Variants in FBN1 observed in about 807,000 individuals in gnomAD.
The protein encoded by FBN1 is fibrillin 1.
A neutral mutation model predicts 365.1 loss-of-function variants in FBN1; 29 were observed. The observed-to-expected ratio is 0.08, with a 90% CI of 0.06 to 0.11. The LOEUF is 0.11. Among genes scored for constraint, FBN1 ranks in the 10% least tolerant of loss-of-function variants. The probability of loss-of-function intolerance (pLI) is 1.00; values close to 1 mark genes in which losing one functional copy is unlikely to be tolerated. For missense variants in FBN1, 2,476 were observed against 3,703.2 expected, an observed-to-expected ratio of 0.67 and a Z score of 8.60; for synonymous variants, 1,210 against 1,270.5, an observed-to-expected ratio of 0.95 and a Z score of 1.01.
At chr15:48,625,626 G>T (rs1387308257) in intron 2 of FBN1, among the ~76,000 whole-genome samples, 2 of 152,140 alleles carry the variant, frequency 1.3e-5, no homozygotes, top group Non-Finnish European at 2.9e-5. Flanking sequence ...TATTTTAAAG[G>T]CCAGAAGATC....
At chr15:48,523,489 C>T (rs549654666) in intron 9 of FBN1, among the ~76,000 whole-genome samples, 98 of 152,268 alleles carry the variant, frequency 6.4e-4, no homozygotes, top group African/African-American at 2.0e-3. Flanking sequence ...ATGGCACCTG[C>T]ACATATAATA....
In FBN1 at chr15:48,434,601, T is replaced by A. The variant is rs547573220; in HGVS notation, c.6609A>T (p.Thr2203=). ...TCTGTTTAAGAGATGTACCTTCACA[T>A]GTCATCATTGGACCGGGCTCAAATC... ...EEGFEPGPMM[T]CEDINECAQN... The change falls in exon 54 of 66, where the codon ACA becomes ACT. Residue 2203 remains threonine, a synonymous_variant. Coordinates refer to ENST00000316623, the MANE Select transcript of FBN1 (RefSeq NM_000138.5). 1.2e-6 allele frequency: 2 copies of A among 1,613,718 alleles called. No homozygotes were observed. The highest frequency in any genetic ancestry group is 1.1e-5 in the South Asian group (1 of 91,076).
chr15:48,564,872 G>A (rs959640456), intron 6 of FBN1, among the ~76,000 whole-genome samples: 5 of 152,164 alleles, frequency 3.3e-5, no homozygotes, highest in African/African-American at 1.2e-4. Flanking sequence ...CTTTCCCCCA[G>A]GCTATCTAAA....
intron 49 of FBN1, among the ~76,000 whole-genome samples, chr15:48,444,306 A>C (rs1341083633): frequency 6.6e-6 from 1 of 152,210 alleles, no homozygotes; most frequent in Non-Finnish European, 1.5e-5. Flanking sequence ...AGTGGAAAAG[A>C]GTCAGGATCA....
intron 6 of FBN1, among the ~76,000 whole-genome samples, chr15:48,555,236 T>C (rs139832914): frequency 2.6e-5 from 4 of 152,292 alleles, no homozygotes; most frequent in Admixed American, 1.3e-4. Flanking sequence ...AAAACTGTCA[T>C]GTTAATCCCA....
intron 43 of FBN1, among the ~76,000 whole-genome samples, chr15:48,457,714 C>T (rs528308048): frequency 6.6e-6 from 1 of 152,206 alleles, no homozygotes; most frequent in East Asian, 1.9e-4. Context: ...TGCTGCATGA[C>T]TGGTACATTT....
chr15:48,580,918 C>T (rs1449639742), intron 6 of FBN1, among the ~76,000 whole-genome samples: 1 of 152,136 alleles, frequency 6.6e-6, no homozygotes, highest in Non-Finnish European at 1.5e-5. Flanking sequence ...AAAACAGAGA[C>T]TAAAACTGCA....
intron 13 of FBN1, among the ~76,000 whole-genome samples, chr15:48,512,339 T>G (rs1162225824): frequency 6.6e-6 from 1 of 152,190 alleles, no homozygotes; most frequent in East Asian, 1.9e-4. Context: ...TTTAAAAAAC[T>G]TTTAAGTTTA....
intron 6 of FBN1, among the ~76,000 whole-genome samples, chr15:48,583,216 ACCT>A (rs1249097642): frequency 1.3e-4 from 20 of 152,098 alleles, no homozygotes; most frequent in African/African-American, 4.6e-4. Flanking sequence ...ATAAACTCAC[ACCT>A]CCTCTCTTCG....
At chr15:48,590,266 T>C (rs2044467376) in intron 6 of FBN1, among the ~76,000 whole-genome samples, 1 of 152,230 alleles carries the variant, frequency 6.6e-6, no homozygotes, top group African/African-American at 2.4e-5. Flanking sequence ...AATCAGCTCC[T>C]GATTCCATGA....
intron 6 of FBN1, among the ~76,000 whole-genome samples, chr15:48,548,638 C>T (rs595244): frequency 0.077 from 11,739 of 152,280 alleles, 498 homozygotes; most frequent in Middle Eastern, 0.16. Flanking sequence ...TAGAGATTTA[C>T]ATCAGCTTGG....
At chr15:48,425,324 A>C (rs2042970541) in intron 60 of FBN1, 45 bp downstream of exon 60, 3 of 1,613,786 alleles carry the variant, frequency 1.9e-6, no homozygotes, top group Non-Finnish European at 1.7e-6. Flanking sequence ...GAATGCAGCC[A>C]TGTGTCAGGA....
intron 6 of FBN1, among the ~76,000 whole-genome samples, chr15:48,594,783 G>C (rs776574681): frequency 1.3e-5 from 2 of 152,082 alleles, no homozygotes; most frequent in Admixed American, 6.6e-5. Flanking sequence ...CATCTTATTA[G>C]TGATTTTTCT....
intron 6 of FBN1, among the ~76,000 whole-genome samples, chr15:48,560,130 C>G (rs569889022): frequency 3.9e-4 from 60 of 152,262 alleles, no homozygotes; most frequent in Middle Eastern, 3.4e-3. Flanking sequence ...GTTAAGTTTT[C>G]TCTTCAACAT....
chr15:48,503,604 T>C (rs1245320285), intron 17 of FBN1, among the ~76,000 whole-genome samples, 183 bp downstream of exon 17: 1 of 152,198 alleles, frequency 6.6e-6, no homozygotes, highest in Non-Finnish European at 1.5e-5. Context: ...CTATTCCAAA[T>C]AATTATGAGG....
intron 50 of FBN1, among the ~76,000 whole-genome samples, chr15:48,439,832 G>A (rs151056776): frequency 6.6e-6 from 1 of 152,068 alleles, no homozygotes; most frequent in African/African-American, 2.4e-5. Flanking sequence ...AATTCTCTTC[G>A]TTGAACTTTG....
At chr15:48,428,579 C>T in intron 56 of FBN1, 108 bp from the exon 57 acceptor site, 1 of 1,228,572 alleles carries the variant, frequency 8.1e-7, no homozygotes, top group Non-Finnish European at 1.2e-6. Context: ...TCCTTCCCTC[C>T]CTTTGTTCCT....
At chr15:48,559,991 C>T (rs1026589658) in intron 6 of FBN1, among the ~76,000 whole-genome samples, 1 of 152,108 alleles carries the variant, frequency 6.6e-6, no homozygotes, top group East Asian at 1.9e-4. Context: ...AGAAGCCAGG[C>T]TCACATAATA....
intron 6 of FBN1, among the ~76,000 whole-genome samples, chr15:48,558,673 ATCAGAT>A (rs1209709072): frequency 1.1e-4 from 16 of 152,240 alleles, no homozygotes; most frequent in Non-Finnish European, 1.9e-4. Flanking sequence ...TAGCAGACAG[ATCAGAT>A]TCAGAGAGAA....
Sources: gnomAD v4.1 joint callset for allele counts (sites outside exome capture counted in the v4.1 genomes callset) on GRCh38, gnomAD v4.1.1 for gene constraint, MANE v1.5 for transcripts, NCBI Gene and HGNC (gene_info 2026-07-23, HGNC 2026-07-21) for gene names.